Variants in TENM2 observed in about 807,000 individuals in gnomAD.
The protein encoded by TENM2 is teneurin transmembrane protein 2, also known as teneurin-2.
In TENM2, 52 loss-of-function variants were observed where a neutral mutation model predicts 245.2. The ratio of observed to expected loss-of-function variants is 0.21; its 90% CI spans 0.17 to 0.27. The LOEUF is 0.27. Among genes scored for constraint, TENM2 ranks in the 10% least tolerant of loss-of-function variants. The probability of loss-of-function intolerance (pLI) is 1.00; values close to 1 mark genes in which losing one functional copy is unlikely to be tolerated. For missense variants in TENM2, 3,046 were observed against 3,666.8 expected, an observed-to-expected ratio of 0.83 and a Z score of 4.37; for synonymous variants, 1,363 against 1,438.9, an observed-to-expected ratio of 0.95 and a Z score of 1.19.
Position 167,981,989 on chromosome 5 carries a change from A to G in TENM2, c.948-10955A>G, listed in dbSNP as rs1782874304. Among the ~76,000 whole-genome samples, 6 of 151,584 alleles carry G rather than the reference A, an allele frequency of 4.0e-5. No homozygotes were observed. The South Asian group carries it at 1.0e-3, about 26-fold the overall frequency. On this transcript the variant is annotated intron_variant, in intron 4 of 28. Transcript: ENST00000518659. ...AGCTCTGTTTCAGACCAAAAAAAAA[A>G]AAAAAAGAAAAAAGAAAAAAAGAAA... is the stretch of plus-strand genomic sequence containing the variant.
At chr5:167,096,308 G>A in the TENM2 span, among the ~76,000 whole-genome samples, 1 of 151,998 alleles carries the variant, frequency 6.6e-6, no homozygotes, top group Non-Finnish European at 1.5e-5. Context: ...GCCCTTTTCT[G>A]ATTTATGTTT....
the TENM2 span, among the ~76,000 whole-genome samples, chr5:167,239,156 G>C: frequency 2.0e-5 from 3 of 152,190 alleles, no homozygotes; most frequent in African/African-American, 7.2e-5. Context: ...AGAGTGCCTT[G>C]TCATGTTCAT....
chr5:167,275,770 G>C, the TENM2 span, among the ~76,000 whole-genome samples: 2 of 151,972 alleles, frequency 1.3e-5, no homozygotes, highest in Non-Finnish European at 2.9e-5. Context: ...GATTCCTTGA[G>C]ATTTTTCTGC....
the TENM2 span, among the ~76,000 whole-genome samples, chr5:167,041,845 C>A: frequency 1.3e-5 from 2 of 152,158 alleles, no homozygotes; most frequent in African/African-American, 4.8e-5. Context: ...GCTGGCCTAG[C>A]AGTCTCTTTG....
intron 2 of TENM2, among the ~76,000 whole-genome samples, chr5:167,436,552 G>C (rs574407572): frequency 1.3e-5 from 2 of 152,312 alleles, no homozygotes; most frequent in Non-Finnish European, 1.5e-5. Context: ...GCTGAAATTT[G>C]TATAAGTAAC....
At chr5:168,120,009 T>G (rs1795358972) in intron 10 of TENM2, among the ~76,000 whole-genome samples, 1 of 152,148 alleles carries the variant, frequency 6.6e-6, no homozygotes. Context: ...CTATACAAAA[T>G]AACCAATCAT....
At chr5:167,833,929 T>C (rs1475078085) in intron 2 of TENM2, among the ~76,000 whole-genome samples, 1 of 152,188 alleles carries the variant, frequency 6.6e-6, no homozygotes, top group Non-Finnish European at 1.5e-5. Context: ...AGCCCATACC[T>C]GAACTGTTAA....
intron 2 of TENM2, among the ~76,000 whole-genome samples, chr5:167,426,364 G>T (rs907755188): frequency 4.6e-5 from 7 of 151,896 alleles, no homozygotes; most frequent in African/African-American, 1.5e-4. Context: ...CATGTCTGTA[G>T]TCCCAGCTGT....
At chr5:167,011,870 G>A in the TENM2 span, among the ~76,000 whole-genome samples, 63 of 152,294 alleles carry the variant, frequency 4.1e-4, no homozygotes, top group Non-Finnish European at 8.1e-4. Flanking sequence ...TGTCTTAGTT[G>A]TGGAGATCAA....
intron 27 of TENM2, among the ~76,000 whole-genome samples, chr5:168,256,069 G>T (rs1288966007): frequency 6.6e-6 from 1 of 151,978 alleles, no homozygotes; most frequent in Non-Finnish European, 1.5e-5. Context: ...CTCCCAAAGT[G>T]CTAGGATTAC....
intron 8 of TENM2, among the ~76,000 whole-genome samples, chr5:168,093,676 C>T (rs945279369): frequency 3.9e-5 from 6 of 152,144 alleles, no homozygotes; most frequent in African/African-American, 9.7e-5. Context: ...TCTGGAAGCA[C>T]GATGCCAGCC....
At chr5:167,986,358 CAG>C (rs1327926114) in intron 4 of TENM2, among the ~76,000 whole-genome samples, 1 of 152,208 alleles carries the variant, frequency 6.6e-6, no homozygotes, top group African/African-American at 2.4e-5. Flanking sequence ...ATGCAGGACA[CAG>C]AGCTGAGAAC....
intron 18 of TENM2, 122 bp downstream of exon 20, chr5:168,203,954 C>A: frequency 1.6e-6 from 1 of 638,060 alleles, no homozygotes; most frequent in Non-Finnish European, 2.4e-6. Context: ...ATCAAGTGCC[C>A]AAAATATGCA....
intron 5 of TENM2, among the ~76,000 whole-genome samples, chr5:168,039,630 T>C (rs1788010165): frequency 6.6e-6 from 1 of 152,078 alleles, no homozygotes; most frequent in South Asian, 2.1e-4. Flanking sequence ...GCTCCAGGCT[T>C]GTGTTTATCT....
intron 10 of TENM2, among the ~76,000 whole-genome samples, chr5:168,120,115 C>T (rs561024553): frequency 6.6e-6 from 1 of 152,316 alleles, no homozygotes; most frequent in South Asian, 2.1e-4. Flanking sequence ...GTTTTTAGAA[C>T]TATGGCTACC....
the TENM2 span, among the ~76,000 whole-genome samples, chr5:167,039,896 C>T: frequency 6.6e-6 from 1 of 152,050 alleles, no homozygotes; most frequent in African/African-American, 2.4e-5. Flanking sequence ...CACAAATATA[C>T]ATTCTGAGAG....
the TENM2 span, among the ~76,000 whole-genome samples, chr5:167,274,275 G>T: frequency 6.6e-6 from 1 of 152,066 alleles, no homozygotes; most frequent in Admixed American, 6.6e-5. Context: ...CTTTAGGATT[G>T]CTTTTTTCAC....
chr5:167,862,976 C>T (rs1186884776), intron 2 of TENM2, among the ~76,000 whole-genome samples: 1 of 152,228 alleles, frequency 6.6e-6, no homozygotes, highest in Non-Finnish European at 1.5e-5. Flanking sequence ...GTTAAAATTA[C>T]TCTTCTCTGT....
intron 2 of TENM2, among the ~76,000 whole-genome samples, chr5:167,626,319 C>T (rs189046501): frequency 2.6e-5 from 4 of 151,406 alleles, no homozygotes; most frequent in East Asian, 3.9e-4. Context: ...TCAGGTTGGA[C>T]GATATTATCT....
Sources: allele counts gnomAD v4.1 joint callset (sites outside exome capture counted in the v4.1 genomes callset), GRCh38; gene constraint gnomAD v4.1.1; transcripts MANE v1.5; gene names NCBI Gene and HGNC (gene_info 2026-07-23, HGNC 2026-07-21).